The following ATP8A1 variants were observed in gnomAD, a reference collection of about 807,000 sequenced individuals.
ATP8A1 encodes phospholipid-transporting ATPase IA.
In ATP8A1, 90 loss-of-function variants were observed where a neutral mutation model predicts 177.7. That is an observed-to-expected ratio of 0.51 (90% CI 0.43 to 0.60). The LOEUF is 0.60. Ranked by LOEUF, ATP8A1 falls within the 20% of genes least tolerant of loss-of-function variation. The pLI is 0.00. For synonymous variants in ATP8A1, 493 were observed against 485.9 expected (o/e 1.01, Z -0.19); for missense variants, 1,072 against 1,392.8 (o/e 0.77, Z 3.67).
intron 5 of ATP8A1, among the ~76,000 whole-genome samples, chr4:42,614,413 G>A (rs541009561): frequency 5.9e-5 from 9 of 152,220 alleles, no homozygotes; most frequent in African/African-American, 2.2e-4. Context: ...TGAGCAATAC[G>A]GCAACAAATG....
intron 33 of ATP8A1, among the ~76,000 whole-genome samples, chr4:42,424,052 C>T (rs567574243): frequency 1.3e-5 from 2 of 151,898 alleles, no homozygotes; most frequent in Non-Finnish European, 2.9e-5. Context: ...AATTAAGATA[C>T]CTACAAAAAC....
chr4:42,559,369 C>G (rs1231228606), intron 15 of ATP8A1, among the ~76,000 whole-genome samples: 1 of 152,106 alleles, frequency 6.6e-6, no homozygotes, highest in African/African-American at 2.4e-5. Flanking sequence ...ACACACAATT[C>G]ACAAGGAAGG....
chr4:42,423,072 T>G (rs1395520431), intron 34 of ATP8A1, among the ~76,000 whole-genome samples, 173 bp from the exon 35 acceptor site: 1 of 152,170 alleles, frequency 6.6e-6, no homozygotes, highest in African/African-American at 2.4e-5. Flanking sequence ...ATAGAAATTA[T>G]AGTTTTAAAA....
chr4:42,646,364 C>T (rs545141464), intron 1 of ATP8A1, among the ~76,000 whole-genome samples: 1 of 152,254 alleles, frequency 6.6e-6, no homozygotes, highest in African/African-American at 2.4e-5. Context: ...AGTGCTAAGT[C>T]AGAGCTCTTC....
chr4:42,656,767 TCA>T (rs1553924676), intron 1 of ATP8A1, 56 bp downstream of exon 1: 48 of 1,485,758 alleles, frequency 3.2e-5, no homozygotes, highest in Admixed American at 8.5e-5. Context: ...ACACACACGC[TCA>T]CACACACACT....
intron 20 of ATP8A1, among the ~76,000 whole-genome samples, chr4:42,543,008 T>G (rs1728565089): frequency 6.6e-6 from 1 of 152,060 alleles, no homozygotes; most frequent in African/African-American, 2.4e-5. Flanking sequence ...ATGCATACAA[T>G]GAAAAAATGT....
rs1738156552 is a variant in ATP8A1 at position 42,626,851 on chromosome 4, G to A, written c.164+144C>T. On this transcript the variant is annotated intron_variant, in intron 2 of 36. Transcript: ENST00000381668. Reference sequence around the variant, plus strand: ...AATATTTCTCTATGGGAGAGAAGATGGGGAAACAGCCTATTCACACTGCCA... The same window carrying A: ...AATATTTCTCTATGGGAGAGAAGATAGGGAAACAGCCTATTCACACTGCCA... The A allele has an allele frequency of 1.1e-5, 7 of 666,388 alleles. 1 individual carries two copies. The highest frequency in any genetic ancestry group is 9.8e-5 in the South Asian group (6 of 61,322). The allele number at this position is 666,388 out of a possible 1,614,324, so 41.3% of individuals were successfully genotyped here.
intron 15 of ATP8A1, among the ~76,000 whole-genome samples, chr4:42,562,701 G>A (rs1730961852): frequency 6.6e-6 from 1 of 152,170 alleles, no homozygotes. Context: ...CCTGATGGAA[G>A]GCAATTGAAC....
At chr4:42,577,903 C>T (rs1732638134) in intron 12 of ATP8A1, among the ~76,000 whole-genome samples, 1 of 151,970 alleles carries the variant, frequency 6.6e-6, no homozygotes, top group Non-Finnish European at 1.5e-5. Context: ...GCATATTATC[C>T]CTATGATTGT....
chr4:42,607,711 T>G (rs1735939035), intron 5 of ATP8A1, among the ~76,000 whole-genome samples: 3 of 152,048 alleles, frequency 2.0e-5, no homozygotes, highest in Admixed American at 6.5e-5. Context: ...CCAATGTAAT[T>G]TTGTACATTT....
At chr4:42,574,522 A>G (rs1481798123) in intron 14 of ATP8A1, 97 bp downstream of exon 14, 2 of 961,442 alleles carry the variant, frequency 2.1e-6, no homozygotes, top group Non-Finnish European at 3.2e-6. Context: ...AAACCAAACA[A>G]CCCCATACCC....
intron 33 of ATP8A1, among the ~76,000 whole-genome samples, chr4:42,433,047 G>C (rs1226718874): frequency 6.6e-6 from 1 of 152,152 alleles, no homozygotes; most frequent in Non-Finnish European, 1.5e-5. Flanking sequence ...AAAGATGTCT[G>C]CCATGACTTA....
At position 42,414,616 on chromosome 4, in the gene ATP8A1, C is replaced by G. The variant is rs371310292; in HGVS notation, c.3397+11G>C. On this transcript the variant is annotated intron_variant, in intron 36 of 36. Coordinates refer to ENST00000381668, the MANE Select transcript of ATP8A1 (RefSeq NM_006095.2). Reference sequence around the variant, plus strand: ...AGAATTTATTTAAAAATAAGAAACTCAAATACTCACGGAGCAGATTTTGTT... The same window carrying G: ...AGAATTTATTTAAAAATAAGAAACTGAAATACTCACGGAGCAGATTTTGTT... 3.1e-6 allele frequency: 5 copies of G among 1,608,332 alleles called. No homozygotes were observed. The highest frequency in any genetic ancestry group is 4.3e-6 in the Non-Finnish European group (5 of 1,174,996).
At chr4:42,641,473 G>C (rs1459622015) in intron 1 of ATP8A1, among the ~76,000 whole-genome samples, 1 of 151,510 alleles carries the variant, frequency 6.6e-6, no homozygotes, top group African/African-American at 2.4e-5. Flanking sequence ...TCCAACTCTA[G>C]AATCCAAGGA....
chr4:42,615,928 C>A, intron 5 of ATP8A1, 105 bp downstream of exon 5: 1 of 1,082,096 alleles, frequency 9.2e-7, no homozygotes, highest in South Asian at 1.6e-5. Context: ...AAAACAAAAA[C>A]TTGAGATGCA....
intron 24 of ATP8A1, 55 bp from the exon 25 acceptor site, chr4:42,485,723 T>C (rs1356553244): frequency 2.7e-6 from 4 of 1,457,958 alleles, no homozygotes; most frequent in Non-Finnish European, 2.8e-6. Flanking sequence ...TTTGTTCTAC[T>C]AGGATGCCTT....
At chr4:42,590,786 T>C (rs761178861) in intron 7 of ATP8A1, 25 bp downstream of exon 7, 2 of 1,609,158 alleles carry the variant, frequency 1.2e-6, no homozygotes, top group Non-Finnish European at 1.7e-6. Flanking sequence ...CATACACGCA[T>C]CCTATACGAC....
At chr4:42,581,858 A>G (rs1485553409) in intron 9 of ATP8A1, 126 bp from the exon 10 acceptor site, 5 of 681,320 alleles carry the variant, frequency 7.3e-6, no homozygotes, top group Non-Finnish European at 1.2e-5. Flanking sequence ...CTGGAAAGTA[A>G]TTTCCCCCCA....
In ATP8A1 at chr4:42,584,071, C is replaced by T. The variant is rs548449287; in HGVS notation, c.722+2278G>A. Among the ~76,000 whole-genome samples the T allele has an allele frequency of 3.9e-5, 6 of 152,322 alleles. No individual in the cohort carries two copies. The South Asian group carries it at 6.2e-4, about 16-fold the overall frequency. On this transcript the variant is annotated intron_variant, in intron 9 of 36. Transcript: ENST00000381668. ...TTTTGGAGGATCTGAATGAGGATGA[C>T]AGTTCAGGGTATACTTCAAATGTCC...
Sources: allele counts gnomAD v4.1 joint callset (sites outside exome capture counted in the v4.1 genomes callset), GRCh38; gene constraint gnomAD v4.1.1; transcripts MANE v1.5; gene names NCBI Gene and HGNC (gene_info 2026-07-23, HGNC 2026-07-21).